Variants in CNGB3 observed in about 807,000 individuals in gnomAD.
CNGB3 encodes cyclic nucleotide gated channel subunit beta 3, also known as cyclic nucleotide-gated channel beta-3.
A neutral mutation model predicts 92.8 loss-of-function variants in CNGB3; 86 were observed. That is an observed-to-expected ratio of 0.93 (90% CI 0.78 to 1.11). The LOEUF is 1.11. Among genes scored for constraint, CNGB3 ranks in the 50% least tolerant of loss-of-function variants. CNGB3 has a pLI of 0.00. For missense variants in CNGB3, 1,026 were observed against 956.8 expected (o/e 1.07, Z -0.95); for synonymous variants, 333 against 332.7 (o/e 1.00, Z -0.01).
intron 13 of CNGB3, among the ~76,000 whole-genome samples, chr8:86,623,374 A>G (rs1341378496): frequency 6.6e-6 from 1 of 152,194 alleles, no homozygotes; most frequent in Non-Finnish European, 1.5e-5. Context: ...TATTTCTCAC[A>G]GTTCTGAAGA....
At chr8:86,731,026 C>T (rs979715674) in intron 2 of CNGB3, among the ~76,000 whole-genome samples, 5 of 152,082 alleles carry the variant, frequency 3.3e-5, no homozygotes, top group Non-Finnish European at 5.9e-5. Flanking sequence ...AATTTAGGCT[C>T]TTTTAGTAAA....
At chr8:86,691,175 G>T (rs1304435525) in intron 3 of CNGB3, among the ~76,000 whole-genome samples, 2 of 152,112 alleles carry the variant, frequency 1.3e-5, no homozygotes, top group African/African-American at 2.4e-5. Flanking sequence ...TTCTCAGCTT[G>T]GTTGGTGTTG....
chr8:86,630,148 G>GTA (rs1385653831), intron 11 of CNGB3, among the ~76,000 whole-genome samples: 2 of 152,130 alleles, frequency 1.3e-5, no homozygotes, highest in Non-Finnish European at 2.9e-5. Flanking sequence ...TAGTCCAACT[G>GTA]TATATATCTT....
intron 15 of CNGB3, among the ~76,000 whole-genome samples, chr8:86,597,797 T>C (rs1198182106): frequency 6.6e-6 from 1 of 152,016 alleles, no homozygotes; most frequent in East Asian, 1.9e-4. Flanking sequence ...CTGGCCAACA[T>C]GGTGAAACCC....
intron 14 of CNGB3, among the ~76,000 whole-genome samples, chr8:86,604,838 T>C (rs1324350911): frequency 3.3e-5 from 5 of 152,230 alleles, no homozygotes; most frequent in African/African-American, 1.2e-4. Flanking sequence ...AGCCACTGGT[T>C]AATGGTGTTA....
intron 14 of CNGB3, among the ~76,000 whole-genome samples, chr8:86,610,869 C>T (rs1042249134): frequency 3.9e-5 from 6 of 152,072 alleles, no homozygotes; most frequent in Non-Finnish European, 8.8e-5. Context: ...AAAATTGATC[C>T]TGATACATCC....
rs993565260 is a variant in CNGB3, at chr8:86,632,738, C to G, written c.1320+14G>C. The G allele has an allele frequency of 6.2e-7, 1 of 1,612,596 alleles. No individual in the cohort carries two copies. Among genetic ancestry groups the G allele is most frequent in the African/African-American group, 1.3e-5 (1 of 74,988 alleles). ...TGACAGCACTGTGTATCCAGTGATT[C>G]ATACTCAGCTTACCTGACCAATTAA... On this transcript the variant is annotated intron_variant, in intron 11 of 17. Transcript: ENST00000320005.
rs1269990188 is a variant in CNGB3 at position 86,668,132 on chromosome 8, T to C, written c.530A>G (p.Asp177Gly). Residue 177 changes from aspartate (D) to glycine (G), a missense_variant, in exon 5 of 18, where the codon GAT (aspartate) becomes GGT (glycine). Coordinates refer to ENST00000320005, the MANE Select transcript of CNGB3 (RefSeq NM_019098.5). Reference protein sequence around the residue: ...PTAVPPVKESDDKPTEHYYRL... With the variant: ...PTAVPPVKESGDKPTEHYYRL... ...GTAGTAATGTTCTGTTGGCTTATCATCGCTTTCTTTTACTGGTGGTACAGC... is the reference window on the plus strand; with the variant it reads ...GTAGTAATGTTCTGTTGGCTTATCACCGCTTTCTTTTACTGGTGGTACAGC... The C allele has an allele frequency of 5.0e-6, 8 of 1,613,870 alleles. No individual in the cohort carries two copies. The highest frequency in any genetic ancestry group is 6.8e-6 in the Non-Finnish European group (8 of 1,180,006).
At chr8:86,636,092 C>T (rs180818407) in intron 10 of CNGB3, among the ~76,000 whole-genome samples, 4 of 151,872 alleles carry the variant, frequency 2.6e-5, no homozygotes, top group East Asian at 1.9e-4. Context: ...TAACATTTTA[C>T]TATGCTTGCT....
intron 15 of CNGB3, among the ~76,000 whole-genome samples, chr8:86,600,776 ATTTTTTTTTTTTTTTTTTTT>A (rs533111246): frequency 7.8e-5 from 3 of 38,400 alleles, no homozygotes; most frequent in Admixed American, 4.8e-4. Flanking sequence ...CGCTCGGCTA[ATTTTTTTTTTTTTTTTTTTT>A]TTTTTTTTTT....
chr8:86,661,734 C>A lies in CNGB3; in HGVS notation c.852+5191G>T, dbSNP rs1174267747. On this transcript the variant is annotated intron_variant, in intron 6 of 17. Coordinates refer to ENST00000320005, the MANE Select transcript of CNGB3 (RefSeq NM_019098.5). ...TTCTGACCCATGGGTAGTGGTTGATCTAGCATCTCAAACATCCAGGTGCTT... is the reference window on the plus strand; with the variant it reads ...TTCTGACCCATGGGTAGTGGTTGATATAGCATCTCAAACATCCAGGTGCTT... 8 of 1,563,890 alleles carry A rather than the reference C, an allele frequency of 5.1e-6. No homozygotes were observed. The East Asian group carries it at 1.6e-4, about 31-fold the overall frequency.
intron 6 of CNGB3, among the ~76,000 whole-genome samples, chr8:86,664,245 C>G (rs7819537): frequency 6.6e-6 from 1 of 152,082 alleles, no homozygotes. Context: ...CAGAAAATGA[C>G]AATTATTTTA....
At chr8:86,690,275 T>C (rs1031687136) in intron 3 of CNGB3, among the ~76,000 whole-genome samples, 58 of 152,352 alleles carry the variant, frequency 3.8e-4, no homozygotes, top group African/African-American at 1.3e-3. Flanking sequence ...TGAGATGGTA[T>C]CTCATTGTGG....
chr8:86,700,042 T>A (rs1442497507), intron 3 of CNGB3, among the ~76,000 whole-genome samples: 1 of 152,196 alleles, frequency 6.6e-6, no homozygotes. Flanking sequence ...AATTTCTTGT[T>A]TGAGTAATAC....
intron 15 of CNGB3, among the ~76,000 whole-genome samples, chr8:86,593,132 G>C (rs1490288303): frequency 6.6e-6 from 1 of 152,134 alleles, no homozygotes; most frequent in Non-Finnish European, 1.5e-5. Context: ...CAAAATTAGA[G>C]AGTTTAGATA....
chr8:86,678,198 G>GAA (rs990689295), intron 3 of CNGB3, among the ~76,000 whole-genome samples: 2 of 152,010 alleles, frequency 1.3e-5, no homozygotes, highest in East Asian at 3.9e-4. Flanking sequence ...AGTTACATCT[G>GAA]AAAAAAAATC....
chr8:86,595,875 G>A lies in CNGB3; in HGVS notation c.1781+8218C>T, dbSNP rs138341553. 8.0e-4 allele frequency among the ~76,000 whole-genome samples: 122 copies of A among 152,178 alleles called. 2 individuals carry two copies. Among genetic ancestry groups the A allele is most frequent in the South Asian group, 2.3e-3 (11 of 4,820 alleles). Reference sequence around the variant, plus strand: ...TTAAGATGATTTGTCAAAATATTTCGCCATTTCACATTGATATAAAGTAAA... The same window carrying A: ...TTAAGATGATTTGTCAAAATATTTCACCATTTCACATTGATATAAAGTAAA... On this transcript the variant is annotated intron_variant, in intron 15 of 17. Transcript: ENST00000320005.
At chr8:86,684,350 G>A (rs1239203550) in intron 3 of CNGB3, among the ~76,000 whole-genome samples, 4 of 152,076 alleles carry the variant, frequency 2.6e-5, no homozygotes, top group African/African-American at 9.7e-5. Flanking sequence ...AACACCAAAT[G>A]CTGGCAAGCC....
At chr8:86,725,218 T>C (rs536738458) in intron 3 of CNGB3, among the ~76,000 whole-genome samples, 26 of 151,900 alleles carry the variant, frequency 1.7e-4, no homozygotes, top group African/African-American at 6.3e-4. Flanking sequence ...AGGCTGGGAG[T>C]GTATTGGTGT....
Sources: gnomAD v4.1 joint callset for allele counts (sites outside exome capture counted in the v4.1 genomes callset) on GRCh38, gnomAD v4.1.1 for gene constraint, MANE v1.5 for transcripts, NCBI Gene and HGNC (gene_info 2026-07-23, HGNC 2026-07-21) for gene names.